The following SGCZ variants were observed in gnomAD, a reference collection of about 807,000 sequenced individuals.
SGCZ encodes the protein sarcoglycan zeta, also known as zeta-sarcoglycan.
SGCZ carries 40 observed loss-of-function variants against 41.3 expected under a neutral mutation model. That is an observed-to-expected ratio of 0.97 (90% CI 0.75 to 1.26). The LOEUF (loss-of-function observed/expected upper bound fraction) is 1.26. Ranked by LOEUF, SGCZ falls within the 50% of genes most tolerant of loss-of-function variation. SGCZ has a pLI of 0.00. For synonymous variants in SGCZ, 206 were observed against 137.5 expected, an observed-to-expected ratio of 1.50 and a Z score of -3.49; for missense variants, 552 against 369.8, an observed-to-expected ratio of 1.49 and a Z score of -4.04.
At chr8:14,747,726 T>C (rs1455766486) in intron 1 of SGCZ, among the ~76,000 whole-genome samples, 5 of 148,630 alleles carry the variant, frequency 3.4e-5, no homozygotes, top group African/African-American at 9.9e-5. Flanking sequence ...TGTGTGTGTG[T>C]GTGTGTGAGA....
chr8:14,113,082 C>G (rs1802422343), intron 5 of SGCZ, among the ~76,000 whole-genome samples: 1 of 151,958 alleles, frequency 6.6e-6, no homozygotes, highest in Admixed American at 6.6e-5. Flanking sequence ...GTGTTTTTGC[C>G]TCCACTTACC....
intron 1 of SGCZ, among the ~76,000 whole-genome samples, chr8:14,831,072 T>C (rs1229596641): frequency 6.6e-6 from 1 of 152,188 alleles, no homozygotes; most frequent in Non-Finnish European, 1.5e-5. Context: ...TCAGTTTCCT[T>C]GCTCATAATA....
chr8:14,293,605 C>T (rs979486963), intron 3 of SGCZ, among the ~76,000 whole-genome samples: 3 of 151,806 alleles, frequency 2.0e-5, no homozygotes, highest in African/African-American at 7.2e-5. Flanking sequence ...AAAATGTAAG[C>T]TCAAAAATTC....
chr8:14,420,127 G>C (rs774148558), intron 2 of SGCZ, among the ~76,000 whole-genome samples: 4 of 151,900 alleles, frequency 2.6e-5, no homozygotes, highest in Non-Finnish European at 4.4e-5. Flanking sequence ...AAACTGCATT[G>C]AAGGGCTTAT....
intron 1 of SGCZ, among the ~76,000 whole-genome samples, chr8:14,576,834 T>A (rs903032329): frequency 6.6e-6 from 1 of 152,192 alleles, no homozygotes; most frequent in African/African-American, 2.4e-5. Context: ...CTATCCCTAC[T>A]TTTGGGTTTA....
chr8:14,101,056 A>G (rs1416270897), intron 7 of SGCZ, among the ~76,000 whole-genome samples: 1 of 152,204 alleles, frequency 6.6e-6, no homozygotes, highest in Non-Finnish European at 1.5e-5. Flanking sequence ...ATGTATGAGC[A>G]TTTAAAATAA....
Position 14,986,699 on chromosome 8 carries a change from G to A in SGCZ, c.39+250886C>T, listed in dbSNP as rs1327107571. Among the ~76,000 whole-genome samples the A allele has an allele frequency of 2.0e-5, 3 of 151,968 alleles. 1 individual carries two copies. Among genetic ancestry groups the A allele is most frequent in the Non-Finnish European group, 4.4e-5 (3 of 67,904 alleles). ...ACTTCTAGGTTGAGACCTAATTGGA[G>A]AAAATGTTCTAAGTGCAAGATTATC... On this transcript the variant is annotated intron_variant, in intron 1 of 7. Transcript: ENST00000382080.
intron 3 of SGCZ, among the ~76,000 whole-genome samples, chr8:14,320,861 C>T (rs1212402843): frequency 6.6e-6 from 1 of 151,952 alleles, no homozygotes; most frequent in Non-Finnish European, 1.5e-5. Flanking sequence ...CTGTTTAGTT[C>T]GTCTCAGATA....
At chr8:14,657,031 G>T (rs1807599576) in intron 1 of SGCZ, among the ~76,000 whole-genome samples, 1 of 151,906 alleles carries the variant, frequency 6.6e-6, no homozygotes, top group African/African-American at 2.4e-5. Flanking sequence ...AAAAAAATAT[G>T]CAGTGGGGAT....
rs765594466 is a variant in SGCZ, at chr8:14,125,233, G to C, written c.548-16998C>G. Among the ~76,000 whole-genome samples, 74 of 152,136 alleles carry C rather than the reference G, an allele frequency of 4.9e-4. 1 individual carries two copies. The highest frequency in any genetic ancestry group is 2.4e-4 in the Non-Finnish European group (16 of 68,034). On this transcript the variant is annotated intron_variant, in intron 5 of 7. Transcript: ENST00000382080. ...GTGGTGGCTCACGCCTGCAATCCCA[G>C]CACTTTGGGAGGCCAAGGTGGGTGG...
chr8:15,002,167 A>G (rs547661566), intron 1 of SGCZ, among the ~76,000 whole-genome samples: 1 of 151,298 alleles, frequency 6.6e-6, no homozygotes, highest in East Asian at 1.9e-4. Context: ...ATTATTGACA[A>G]TGCTTCAGGA....
intron 1 of SGCZ, among the ~76,000 whole-genome samples, chr8:14,607,654 A>G (rs915569047): frequency 6.6e-6 from 1 of 152,146 alleles, no homozygotes; most frequent in Non-Finnish European, 1.5e-5. Flanking sequence ...GGTAGTGACA[A>G]TTATAAAATA....
In SGCZ at chr8:15,016,081, A is replaced by C. The variant is rs376121763; in HGVS notation, c.39+221504T>G. On this transcript the variant is annotated intron_variant, in intron 1 of 7. Coordinates refer to ENST00000382080, the MANE Select transcript of SGCZ (RefSeq NM_139167.4). ...CTCCATTATATCCTGCTGATTAGCC[A>C]TAACGAGTAAAATATATAGGTCTTG... 9.9e-4 allele frequency among the ~76,000 whole-genome samples: 151 copies of C among 152,326 alleles called. No individual in the cohort carries two copies. In the South Asian group the frequency reaches 0.016, roughly 16 times the overall value.
intron 3 of SGCZ, among the ~76,000 whole-genome samples, chr8:14,260,316 C>T (rs13270216): frequency 0.24 from 36,239 of 149,064 alleles, 5,746 homozygotes; most frequent in Non-Finnish European, 0.35. Flanking sequence ...CAAAAGAAGA[C>T]ATTTATGCAG....
chr8:14,162,179 C>G lies in SGCZ; in HGVS notation c.547+2401G>C, dbSNP rs186251498. On this transcript the variant is annotated intron_variant, in intron 5 of 7. Coordinates refer to ENST00000382080, the MANE Select transcript of SGCZ (RefSeq NM_139167.4). ...TTCGCTGGAACAATTATGAGACAGG[C>G]AAAGGTAATACAAATATCAGAAGAA... 7.9e-5 allele frequency among the ~76,000 whole-genome samples: 12 copies of G among 152,120 alleles called. No individual in the cohort carries two copies. The East Asian group carries it at 2.3e-3, about 29-fold the overall frequency.
At chr8:14,244,351 T>A (rs1479693684) in intron 3 of SGCZ, among the ~76,000 whole-genome samples, 4 of 152,186 alleles carry the variant, frequency 2.6e-5, no homozygotes, top group Non-Finnish European at 5.9e-5. Flanking sequence ...CAAATTATTA[T>A]TTAATGGTTA....
At chr8:15,079,769 G>A (rs1181450499) in intron 1 of SGCZ, among the ~76,000 whole-genome samples, 1 of 152,150 alleles carries the variant, frequency 6.6e-6, no homozygotes, top group Non-Finnish European at 1.5e-5. Context: ...TCCATGTGCA[G>A]GCTGATTAAA....
intron 1 of SGCZ, among the ~76,000 whole-genome samples, chr8:14,656,597 T>C (rs1052806122): frequency 1.8e-5 from 2 of 111,966 alleles, no homozygotes; most frequent in East Asian, 2.3e-4. Flanking sequence ...TCTTCTCTCC[T>C]CTCCTCTCCC....
intron 1 of SGCZ, among the ~76,000 whole-genome samples, chr8:14,980,909 T>G (rs1801641604): frequency 6.6e-6 from 1 of 152,142 alleles, no homozygotes; most frequent in Admixed American, 6.5e-5. Flanking sequence ...CCATCTTTAG[T>G]CTATCTCGCT....
Sources: gnomAD v4.1 joint callset for allele counts (sites outside exome capture counted in the v4.1 genomes callset) on GRCh38, gnomAD v4.1.1 for gene constraint, MANE v1.5 for transcripts, NCBI Gene and HGNC (gene_info 2026-07-23, HGNC 2026-07-21) for gene names.